Variants in CCDC148 observed in about 807,000 individuals in gnomAD.
CCDC148 encodes coiled-coil domain-containing protein 148.
Under a neutral mutation model 85.7 loss-of-function variants are expected in CCDC148, and 89 were observed. The observed-to-expected ratio is 1.04, with a 90% confidence interval of 0.87 to 1.24. CCDC148 has a LOEUF of 1.24. CCDC148 is among the 50% of genes most tolerant of loss of function. The pLI is 0.00. For missense variants in CCDC148, 692 were observed against 671.7 expected, an observed-to-expected ratio of 1.03 and a Z score of -0.33; for synonymous variants, 230 against 213.9, an observed-to-expected ratio of 1.08 and a Z score of -0.66.
intron 1 of CCDC148, among the ~76,000 whole-genome samples, chr2:158,406,665 C>G (rs1340300780): frequency 1.3e-5 from 1 of 75,362 alleles, no homozygotes; most frequent in Non-Finnish European, 2.7e-5. Flanking sequence ...CTCCATTACC[C>G]AGGCTGGAGT....
chr2:158,303,061 A>C (rs1399177798), intron 9 of CCDC148, among the ~76,000 whole-genome samples: 1 of 152,162 alleles, frequency 6.6e-6, no homozygotes, highest in Non-Finnish European at 1.5e-5. Flanking sequence ...AGAGACAGAG[A>C]AAGAGAGCAC....
At chr2:158,421,916 G>A (rs564250016) in intron 1 of CCDC148, among the ~76,000 whole-genome samples, 4 of 152,122 alleles carry the variant, frequency 2.6e-5, no homozygotes, top group South Asian at 2.1e-4. Context: ...TATCACCACC[G>A]ATCCCACAGA....
intron 9 of CCDC148, among the ~76,000 whole-genome samples, chr2:158,282,233 T>C (rs1690355875): frequency 6.6e-6 from 1 of 152,050 alleles, no homozygotes; most frequent in Admixed American, 6.6e-5. Flanking sequence ...AGGGATGCCC[T>C]CTCTCACCAC....
chr2:158,323,964 T>C (rs781156863), intron 7 of CCDC148, among the ~76,000 whole-genome samples: 19 of 128,298 alleles, frequency 1.5e-4, no homozygotes, highest in Non-Finnish European at 2.6e-4. Context: ...GGTCTTACCC[T>C]GTTGCCCAGA....
At chr2:158,186,660 T>C (rs1027106491) in intron 11 of CCDC148, among the ~76,000 whole-genome samples, 2 of 152,104 alleles carry the variant, frequency 1.3e-5, no homozygotes, top group African/African-American at 4.8e-5. Flanking sequence ...TCTTTTTTTC[T>C]TTCATTCCTT....
At chr2:158,412,161 G>T (rs73966666) in intron 1 of CCDC148, among the ~76,000 whole-genome samples, 2,002 of 152,310 alleles carry the variant, frequency 0.013, 54 homozygotes, top group African/African-American at 0.046. Flanking sequence ...ACATCAGGAA[G>T]TTTCAGCCAA....
In CCDC148 at chr2:158,365,586, C is replaced by T. The variant is rs139258488; in HGVS notation, c.26-7016G>A. 9.6e-3 allele frequency among the ~76,000 whole-genome samples: 1,459 copies of T among 152,192 alleles called. 19 individuals carry two copies. The highest frequency in any genetic ancestry group is 0.033 in the African/African-American group (1,353 of 41,524). On this transcript the variant is annotated intron_variant, in intron 1 of 13. Coordinates refer to ENST00000283233, the MANE Select transcript of CCDC148 (RefSeq NM_138803.4). The stretch of plus-strand genomic sequence containing the variant: ...AAACCAAACACAGCATATTTTCACT[C>T]ATAAGTGGGAGTTGAACAATGAAAA...
chr2:158,221,735 G>A (rs976920648), intron 10 of CCDC148, among the ~76,000 whole-genome samples: 7 of 152,200 alleles, frequency 4.6e-5, no homozygotes, highest in African/African-American at 1.4e-4. Context: ...CACAGACATA[G>A]CAACTCTGCA....
chr2:158,226,325 C>A (rs925204283), intron 10 of CCDC148, among the ~76,000 whole-genome samples: 24 of 152,132 alleles, frequency 1.6e-4, no homozygotes, highest in African/African-American at 5.8e-4. Context: ...AGCTTACCAA[C>A]CAAAAAAAGT....
At chr2:158,453,637 C>T (rs1461829931) in intron 1 of CCDC148, among the ~76,000 whole-genome samples, 1 of 152,198 alleles carries the variant, frequency 6.6e-6, no homozygotes, top group East Asian at 1.9e-4. Flanking sequence ...CTCAGTGCTC[C>T]TGCTTCCTCC....
chr2:158,360,791 G>A (rs571793251), intron 1 of CCDC148, among the ~76,000 whole-genome samples: 59 of 152,004 alleles, frequency 3.9e-4, no homozygotes, highest in Non-Finnish European at 6.8e-4. Flanking sequence ...ATGACACCTC[G>A]TCAGCAAGGG....
intron 7 of CCDC148, among the ~76,000 whole-genome samples, chr2:158,315,743 T>C (rs1052849796): frequency 2.6e-5 from 4 of 151,938 alleles, no homozygotes; most frequent in East Asian, 1.9e-4. Context: ...AGAATTGCTA[T>C]GGACCAACTA....
At chr2:158,413,366 C>G (rs1443747022) in intron 1 of CCDC148, among the ~76,000 whole-genome samples, 2 of 152,042 alleles carry the variant, frequency 1.3e-5, no homozygotes, top group African/African-American at 2.4e-5. Flanking sequence ...CTAGTTTACT[C>G]TACAGTGCCA....
intron 2 of CCDC148, among the ~76,000 whole-genome samples, chr2:158,352,057 A>G (rs1291792094): frequency 4.2e-5 from 6 of 142,386 alleles, no homozygotes; most frequent in Non-Finnish European, 7.6e-5. Context: ...AAGGACATCC[A>G]CACCAAAAAC....
chr2:158,401,550 G>A (rs1206384729), intron 1 of CCDC148, among the ~76,000 whole-genome samples: 2 of 152,050 alleles, frequency 1.3e-5, no homozygotes, highest in Non-Finnish European at 2.9e-5. Flanking sequence ...TTGGGTGGTG[G>A]GGGACTGGAG....
At chr2:158,392,840 T>C (rs1165633470) in intron 1 of CCDC148, among the ~76,000 whole-genome samples, 1 of 152,090 alleles carries the variant, frequency 6.6e-6, no homozygotes, top group African/African-American at 2.4e-5. Context: ...CTGTTGTTGT[T>C]ACTGTGATGG....
At chr2:158,366,169 C>A (rs984783405) in intron 1 of CCDC148, 3 of 917,832 alleles carry the variant, frequency 3.3e-6, no homozygotes, top group Non-Finnish European at 4.8e-6. Flanking sequence ...AAAGTAAGAC[C>A]CAGGACTGGG....
At chr2:158,392,105 C>G (rs1349499918) in intron 1 of CCDC148, among the ~76,000 whole-genome samples, 1 of 152,084 alleles carries the variant, frequency 6.6e-6, no homozygotes, top group Non-Finnish European at 1.5e-5. Context: ...TCTGAGTCAT[C>G]AGGTTCTTTC....
intron 1 of CCDC148, among the ~76,000 whole-genome samples, chr2:158,438,450 C>T (rs1244777895): frequency 6.6e-6 from 1 of 152,182 alleles, no homozygotes; most frequent in African/African-American, 2.4e-5. Flanking sequence ...GGATCCCTTC[C>T]TTACACCTTA....
Sources: allele counts gnomAD v4.1 joint callset (sites outside exome capture counted in the v4.1 genomes callset), GRCh38; gene constraint gnomAD v4.1.1; transcripts MANE v1.5; gene names NCBI Gene and HGNC (gene_info 2026-07-23, HGNC 2026-07-21).